SLC2A13: variants seen among roughly 807,000 people sequenced by gnomAD.
SLC2A13 encodes solute carrier family 2 member 13.
In SLC2A13, 32 loss-of-function variants were observed where a neutral mutation model predicts 64.4. That is an observed-to-expected ratio of 0.50 (90% CI 0.37 to 0.67). SLC2A13 has a LOEUF of 0.67. SLC2A13 is among the 30% of genes least tolerant of loss of function. The pLI, the probability that SLC2A13 is intolerant of heterozygous loss-of-function variation, is 0.00. For synonymous variants in SLC2A13, 338 were observed against 327.1 expected, an observed-to-expected ratio of 1.03 and a Z score of -0.36; for missense variants, 743 against 829.2, an observed-to-expected ratio of 0.90 and a Z score of 1.28.
chr12:40,038,460 G>A (rs2896825), intron 2 of SLC2A13, among the ~76,000 whole-genome samples: 50,305 of 151,964 alleles, frequency 0.33, 8,414 homozygotes, highest in African/African-American at 0.36. Flanking sequence ...AATTCATAAG[G>A]CCAGGCATGG....
At chr12:39,794,584 C>T (rs1035546452) in intron 7 of SLC2A13, among the ~76,000 whole-genome samples, 7 of 152,128 alleles carry the variant, frequency 4.6e-5, no homozygotes, top group Non-Finnish European at 1.0e-4. Context: ...AAGGCAAAGG[C>T]AGGTTCAAAG....
intron 4 of SLC2A13, among the ~76,000 whole-genome samples, chr12:39,905,738 T>C (rs1945255547): frequency 1.3e-5 from 2 of 151,718 alleles, no homozygotes; most frequent in South Asian, 4.2e-4. Flanking sequence ...AGCAATCATG[T>C]ATATCTTTTT....
intron 6 of SLC2A13, among the ~76,000 whole-genome samples, chr12:39,851,923 G>C (rs7963511): frequency 0.72 from 110,150 of 152,130 alleles, 40,600 homozygotes; most frequent in African/African-American, 0.86. Flanking sequence ...TATTTCTTTT[G>C]TACAAACTGA....
chr12:39,908,175 T>C (rs1945341008), intron 4 of SLC2A13: 1 of 152,018 alleles, frequency 6.6e-6, no homozygotes, highest in Non-Finnish European at 1.5e-5. Flanking sequence ...AGTCTAATGG[T>C]GTATCTCTGG....
intron 7 of SLC2A13, among the ~76,000 whole-genome samples, chr12:39,765,654 G>T (rs567705002): frequency 6.6e-6 from 1 of 152,032 alleles, no homozygotes; most frequent in South Asian, 2.1e-4. Context: ...GATGATTTGG[G>T]TGCCTGCTCA....
At chr12:39,849,662 C>A (rs1191991246) in intron 6 of SLC2A13, among the ~76,000 whole-genome samples, 1 of 152,138 alleles carries the variant, frequency 6.6e-6, no homozygotes, top group African/African-American at 2.4e-5. Context: ...TTCTCTCTGA[C>A]AGGATAATTA....
intron 4 of SLC2A13, among the ~76,000 whole-genome samples, chr12:39,888,993 G>GTAATAAAA (rs1437590841): frequency 4.6e-5 from 7 of 151,950 alleles, no homozygotes; most frequent in Admixed American, 4.6e-4. Flanking sequence ...TACAAGTCGG[G>GTAATAAAA]ATTCAATAAT....
rs1482003471 is a variant in SLC2A13, at chr12:39,759,487, T to G, written c.*539A>C. 3 of 152,990 alleles carry G rather than the reference T, an allele frequency of 2.0e-5. No homozygotes were observed. The highest frequency in any genetic ancestry group is 7.2e-5 in the African/African-American group (3 of 41,408). 9.5% of individuals were successfully genotyped at this position (152,990 alleles called of 1,614,324 possible). A position where few individuals can be genotyped will look rare whatever the true frequency, so the allele number is the denominator to read the frequency against. ...GGAGATACGGACAGCTGTGCCCTTG[T>G]AGGAGGCACTTTGGAATTTGTTGAT... is the stretch of plus-strand genomic sequence containing the variant. On this transcript the variant is annotated 3_prime_UTR_variant, in exon 10 of 10. Coordinates refer to ENST00000280871, the MANE Select transcript of SLC2A13 (RefSeq NM_052885.4).
chr12:40,091,487 C>T (rs757764235), intron 1 of SLC2A13, among the ~76,000 whole-genome samples: 2 of 152,172 alleles, frequency 1.3e-5, no homozygotes, highest in Non-Finnish European at 2.9e-5. Context: ...AAAGCCTGTA[C>T]TTCAATTAAA....
rs573465149 is a variant in SLC2A13 at position 40,105,266 on chromosome 12, C to G, written c.543G>C (p.Val181=). 7.0e-5 allele frequency: 111 copies of G among 1,594,880 alleles called. No individual in the cohort carries two copies. The East Asian group carries it at 2.3e-3, about 33-fold the overall frequency. The change falls in exon 1 of 10, where the codon GTG becomes GTC. Residue 181 remains valine, a synonymous_variant. Transcript: ENST00000280871. The surrounding 1 kb of genome is among the most constrained non-coding windows in gnomAD (Gnocchi z 4.2). ...KETLLAGRLV[V]GLGIGIASMT... ...GCCCGAACTCACCGATGCCGAGTCC[C>G]ACGACCAGGCGGCCGGCGAGCAGTG... is the stretch of plus-strand genomic sequence containing the variant.
intron 6 of SLC2A13, among the ~76,000 whole-genome samples, chr12:39,855,647 A>G (rs1042886413): frequency 2.6e-5 from 4 of 152,238 alleles, no homozygotes; most frequent in African/African-American, 9.6e-5. Context: ...AATGTTTATT[A>G]AAATAATTAA....
intron 3 of SLC2A13, among the ~76,000 whole-genome samples, chr12:40,005,434 G>A (rs1947398829): frequency 6.6e-6 from 1 of 152,138 alleles, no homozygotes. Flanking sequence ...TATCTGGTGG[G>A]TAGTGGAGTA....
chr12:39,816,723 G>A (rs967895717), intron 7 of SLC2A13, among the ~76,000 whole-genome samples: 26 of 151,818 alleles, frequency 1.7e-4, no homozygotes, highest in African/African-American at 6.0e-4. Flanking sequence ...AAACAAATAA[G>A]CCTGTCCTTT....
intron 4 of SLC2A13, among the ~76,000 whole-genome samples, chr12:39,936,218 T>C (rs938307337): frequency 3.9e-5 from 6 of 152,242 alleles, no homozygotes; most frequent in African/African-American, 1.4e-4. Context: ...TCAAGCCCCC[T>C]GCCCTCAAAT....
At chr12:39,975,509 T>G (rs1301078914) in intron 3 of SLC2A13, among the ~76,000 whole-genome samples, 1 of 152,238 alleles carries the variant, frequency 6.6e-6, no homozygotes, top group Non-Finnish European at 1.5e-5. Context: ...TAAAAGGTAG[T>G]AGACATTTTC....
chr12:40,100,471 G>A (rs548530354), intron 1 of SLC2A13, among the ~76,000 whole-genome samples: 2 of 152,268 alleles, frequency 1.3e-5, no homozygotes, highest in South Asian at 2.1e-4. Context: ...CTATGCTCTT[G>A]TACTTTGTGT....
chr12:39,812,878 AG>A (rs1942225883), intron 7 of SLC2A13, among the ~76,000 whole-genome samples: 1 of 139,736 alleles, frequency 7.2e-6, no homozygotes, highest in Admixed American at 7.4e-5. Flanking sequence ...TCTGTCACCC[AG>A]GCTGGAGTGT....
intron 6 of SLC2A13, among the ~76,000 whole-genome samples, chr12:39,840,399 A>T (rs911213805): frequency 3.3e-5 from 5 of 151,958 alleles, no homozygotes; most frequent in African/African-American, 1.2e-4. Context: ...TGCTTTTTAA[A>T]TCCTAAAGAG....
chr12:39,812,934 A>T, intron 7 of SLC2A13, among the ~76,000 whole-genome samples: 1 of 134,462 alleles, frequency 7.4e-6, no homozygotes, highest in East Asian at 2.3e-4. Flanking sequence ...GGTTCAAGTG[A>T]TTCTCCTGCC....
Sources: allele counts gnomAD v4.1 joint callset (sites outside exome capture counted in the v4.1 genomes callset), GRCh38; gene constraint gnomAD v4.1.1; non-coding constraint Gnocchi (gnomAD v3.1); transcripts MANE v1.5; gene names NCBI Gene and HGNC (gene_info 2026-07-23, HGNC 2026-07-21).